Variants in NAV2 observed in about 807,000 individuals in gnomAD.
NAV2 encodes helicase, APC down-regulated 1.
A neutral mutation model predicts 223.2 loss-of-function variants in NAV2; 54 were observed. That is an observed-to-expected ratio of 0.24 (90% CI 0.19 to 0.30). The LOEUF is 0.30. Among genes scored for constraint, NAV2 ranks in the 10% least tolerant of loss-of-function variants. The pLI, the probability that NAV2 is intolerant of heterozygous loss-of-function variation, is 1.00. For missense variants in NAV2, 2,806 were observed against 3,147.5 expected (o/e 0.89, Z 2.60); for synonymous variants, 1,279 against 1,239.3 (o/e 1.03, Z -0.67).
chr11:19,681,977 G>C (rs2048891802), intron 1 of NAV2, among the ~76,000 whole-genome samples: 1 of 152,180 alleles, frequency 6.6e-6, no homozygotes, highest in Admixed American at 6.5e-5. Context: ...AAGATAGCTT[G>C]TGTTAGTCAC....
At chr11:20,009,318 T>C (rs1046229435) in intron 11 of NAV2, among the ~76,000 whole-genome samples, 1 of 152,186 alleles carries the variant, frequency 6.6e-6, no homozygotes, top group African/African-American at 2.4e-5. Context: ...TTCAGTTTAC[T>C]AGATAACCAA....
intron 7 of NAV2, among the ~76,000 whole-genome samples, chr11:19,936,651 C>G (rs780865916): frequency 3.9e-5 from 6 of 152,146 alleles, no homozygotes; most frequent in African/African-American, 7.2e-5. Flanking sequence ...CTTTATCAGC[C>G]CTTGGTGCCC....
At chr11:19,607,039 G>A (rs2046492198) in intron 1 of NAV2, among the ~76,000 whole-genome samples, 1 of 152,222 alleles carries the variant, frequency 6.6e-6, no homozygotes, top group African/African-American at 2.4e-5. Context: ...GCCAGGGAAG[G>A]AAAAGAAGGG....
At chr11:19,352,940 CCCATTTGCGT>C (rs1853407723) in intron 1 of NAV2, among the ~76,000 whole-genome samples, 1 of 151,976 alleles carries the variant, frequency 6.6e-6, no homozygotes, top group Admixed American at 6.6e-5. Context: ...AAACATACAC[CCCATTTGCGT>C]CAAGTGTGAA....
At chr11:19,877,827 A>G (rs1213878333) in intron 4 of NAV2, among the ~76,000 whole-genome samples, 2 of 152,012 alleles carry the variant, frequency 1.3e-5, no homozygotes, top group African/African-American at 4.8e-5. Context: ...GTGACTATAG[A>G]TATGTCACTT....
intron 10 of NAV2, among the ~76,000 whole-genome samples, chr11:19,966,629 C>T (rs1396346198): frequency 6.6e-6 from 1 of 152,176 alleles, no homozygotes; most frequent in African/African-American, 2.4e-5. Context: ...TGAGTCTGCT[C>T]TGTCCATAAA....
chr11:19,405,275 A>G (rs1855766248), intron 1 of NAV2, among the ~76,000 whole-genome samples: 2 of 152,140 alleles, frequency 1.3e-5, no homozygotes, highest in South Asian at 4.1e-4. Context: ...TATTTCCCCC[A>G]AACAAATAGG....
chr11:19,370,295 C>A (rs189618966), intron 1 of NAV2, among the ~76,000 whole-genome samples: 60 of 152,348 alleles, frequency 3.9e-4, no homozygotes, highest in African/African-American at 1.3e-3. Context: ...TTAAGTCTTT[C>A]TTGCTGGACA....
chr11:19,891,929 C>T (rs895603968), intron 5 of NAV2, among the ~76,000 whole-genome samples: 5 of 151,884 alleles, frequency 3.3e-5, no homozygotes, highest in African/African-American at 1.2e-4. Flanking sequence ...AAATACTTAT[C>T]CCAGAGGGAA....
At chr11:19,651,504 G>A (rs951324732) in intron 1 of NAV2, among the ~76,000 whole-genome samples, 7 of 152,218 alleles carry the variant, frequency 4.6e-5, no homozygotes, top group African/African-American at 1.7e-4. Flanking sequence ...TGGCTGCAGA[G>A]GTGCCCACAT....
intron 1 of NAV2, among the ~76,000 whole-genome samples, chr11:19,458,050 A>G (rs1405521551): frequency 6.6e-6 from 1 of 151,924 alleles, no homozygotes; most frequent in African/African-American, 2.4e-5. Context: ...CCCTCCTATG[A>G]TGGTTTGGCA....
chr11:19,778,528 A>C (rs773981949), intron 1 of NAV2, among the ~76,000 whole-genome samples: 2 of 152,210 alleles, frequency 1.3e-5, no homozygotes, highest in Non-Finnish European at 2.9e-5. Context: ...CAAAACACAA[A>C]AAAAACAAAA....
At chr11:19,672,037 G>A (rs1217019145) in intron 1 of NAV2, among the ~76,000 whole-genome samples, 3 of 152,194 alleles carry the variant, frequency 2.0e-5, no homozygotes, top group South Asian at 2.1e-4. Flanking sequence ...GACTTCTTGG[G>A]GAAGATTTCC....
At position 20,049,872 on chromosome 11, in the gene NAV2, CAGA is replaced by C. The variant is rs747839343; in HGVS notation, c.4410_4412del (p.Arg1470del). 8 of 1,614,076 alleles carry C rather than the reference CAGA, an allele frequency of 5.0e-6. No individual in the cohort carries two copies. In the South Asian group the frequency reaches 8.8e-5, roughly 18 times the overall value. On this transcript the variant is annotated inframe_deletion, in exon 16 of 38. Transcript: ENST00000349880. ...CCCCTGCTGCTAGCCCTAAGTTCTGCAGAAGTACTCTGCCCAGGAAACAGGACA... is the reference window on the plus strand; with the variant it reads ...CCCCTGCTGCTAGCCCTAAGTTCTGCAGTACTCTGCCCAGGAAACAGGACA...
intron 1 of NAV2, among the ~76,000 whole-genome samples, chr11:19,492,926 G>A (rs2042677920): frequency 6.6e-6 from 1 of 152,138 alleles, no homozygotes; most frequent in Non-Finnish European, 1.5e-5. Flanking sequence ...GTGAAGCCTG[G>A]GGCTGGACCA....
intron 36 of NAV2, among the ~76,000 whole-genome samples, chr11:20,113,844 T>TAA (rs36006119): frequency 2.0e-5 from 3 of 151,088 alleles, no homozygotes; most frequent in Non-Finnish European, 3.0e-5. Flanking sequence ...TCCCATCTCT[T>TAA]AAAAAAAAAT....
chr11:19,987,911 G>C (rs892653831), intron 11 of NAV2, among the ~76,000 whole-genome samples: 1 of 152,198 alleles, frequency 6.6e-6, no homozygotes, highest in Non-Finnish European at 1.5e-5. Flanking sequence ...ATAACAGACA[G>C]ATAAAAGGAG....
intron 1 of NAV2, among the ~76,000 whole-genome samples, chr11:19,677,572 C>T (rs1307310069): frequency 6.6e-6 from 1 of 152,242 alleles, no homozygotes; most frequent in East Asian, 1.9e-4. Context: ...AGAATGACTC[C>T]TAAAAATTAT....
At chr11:19,956,484 A>G (rs2047891876) in intron 10 of NAV2, among the ~76,000 whole-genome samples, 1 of 152,038 alleles carries the variant, frequency 6.6e-6, no homozygotes, top group Non-Finnish European at 1.5e-5. Flanking sequence ...CTTGGCTGCA[A>G]ATCAGGAGTT....
Sources: gnomAD v4.1 joint callset for allele counts (sites outside exome capture counted in the v4.1 genomes callset) on GRCh38, gnomAD v4.1.1 for gene constraint, MANE v1.5 for transcripts, NCBI Gene and HGNC (gene_info 2026-07-23, HGNC 2026-07-21) for gene names.